PCDH15: variants seen among roughly 807,000 people sequenced by gnomAD.
PCDH15 encodes the protein protocadherin-15.
A neutral mutation model predicts 178.5 loss-of-function variants in PCDH15; 129 were observed. That is an observed-to-expected ratio of 0.72 (90% CI 0.63 to 0.84). The LOEUF is 0.84. Among genes scored for constraint, PCDH15 ranks in the 40% least tolerant of loss-of-function variants. The pLI, the probability that PCDH15 is intolerant of heterozygous loss-of-function variation, is 0.00. For missense variants in PCDH15, 2,230 were observed against 2,099.9 expected, an observed-to-expected ratio of 1.06 and a Z score of -1.21; for synonymous variants, 800 against 732.0, an observed-to-expected ratio of 1.09 and a Z score of -1.50.
At chr10:54,162,917 CAG>C in intron 13 of PCDH15, among the ~76,000 whole-genome samples, 1 of 152,082 alleles carries the variant, frequency 6.6e-6, no homozygotes, top group African/African-American at 2.4e-5. Context: ...CCTAGTATGA[CAG>C]AGTCGATTTT....
At chr10:54,753,164 A>G (rs1017445257) in intron 1 of PCDH15, among the ~76,000 whole-genome samples, 1 of 152,130 alleles carries the variant, frequency 6.6e-6, no homozygotes, top group African/African-American at 2.4e-5. Flanking sequence ...GTTGGGTGCT[A>G]TGGAATAAGA....
At chr10:53,833,789 T>C (rs2077147658) in intron 29 of PCDH15, among the ~76,000 whole-genome samples, 1 of 152,086 alleles carries the variant, frequency 6.6e-6, no homozygotes, top group Admixed American at 6.6e-5. Flanking sequence ...CCTATAAATA[T>C]ATTTTGATCT....
At chr10:54,326,341 A>T (rs909951239) in intron 7 of PCDH15, among the ~76,000 whole-genome samples, 3 of 152,180 alleles carry the variant, frequency 2.0e-5, no homozygotes, top group Non-Finnish European at 4.4e-5. Flanking sequence ...ATCTACTAAG[A>T]TTAAAAAGTA....
At chr10:54,986,215 G>A (rs1839359612) in intron 2 of PCDH15, among the ~76,000 whole-genome samples, 1 of 151,978 alleles carries the variant, frequency 6.6e-6, no homozygotes, top group African/African-American at 2.4e-5. Context: ...CTGCACCCAC[G>A]GGTACTATGC....
intron 2 of PCDH15, among the ~76,000 whole-genome samples, chr10:55,110,221 T>A (rs1415765218): frequency 6.6e-6 from 1 of 152,028 alleles, no homozygotes; most frequent in Non-Finnish European, 1.5e-5. Flanking sequence ...CTCTTCCATG[T>A]TATATCAGGT....
At chr10:55,058,916 G>A (rs1015102461) in intron 2 of PCDH15, among the ~76,000 whole-genome samples, 2 of 152,158 alleles carry the variant, frequency 1.3e-5, no homozygotes, top group Admixed American at 6.6e-5. Flanking sequence ...TCCCAGAGTA[G>A]CTTGTCTATG....
At chr10:54,415,576 T>G (rs1168699448) in intron 3 of PCDH15, among the ~76,000 whole-genome samples, 2 of 152,102 alleles carry the variant, frequency 1.3e-5, no homozygotes, top group Non-Finnish European at 2.9e-5. Flanking sequence ...TGCAAAATTA[T>G]TTTAAATAAT....
intron 8 of PCDH15, among the ~76,000 whole-genome samples, chr10:54,293,675 C>A (rs557668573): frequency 6.6e-6 from 1 of 152,248 alleles, no homozygotes; most frequent in Non-Finnish European, 1.5e-5. Context: ...ACAGATTCTT[C>A]TCAAAAGAAG....
At chr10:54,687,329 T>C (rs549179400) in intron 1 of PCDH15, among the ~76,000 whole-genome samples, 2 of 152,192 alleles carry the variant, frequency 1.3e-5, no homozygotes, top group African/African-American at 4.8e-5. Context: ...GAATCAAAAT[T>C]ACACTCTCAG....
chr10:54,267,850 G>T (rs1350827644), intron 8 of PCDH15, among the ~76,000 whole-genome samples: 1 of 151,816 alleles, frequency 6.6e-6, no homozygotes, highest in Non-Finnish European at 1.5e-5. Context: ...TGTCTTTACT[G>T]CCCGAAGCAA....
intron 28 of PCDH15, among the ~76,000 whole-genome samples, chr10:53,856,167 G>A (rs935255866): frequency 6.6e-6 from 1 of 151,066 alleles, no homozygotes; most frequent in African/African-American, 2.4e-5. Flanking sequence ...CTGTACGTTG[G>A]GTACAGTGTA....
At chr10:54,581,713 T>G (rs1437387287) in intron 2 of PCDH15, among the ~76,000 whole-genome samples, 1 of 152,078 alleles carries the variant, frequency 6.6e-6, no homozygotes, top group Non-Finnish European at 1.5e-5. Context: ...ACGGTATTAA[T>G]ACAAAAACAG....
chr10:54,376,158 G>A (rs1433164870), intron 4 of PCDH15, among the ~76,000 whole-genome samples: 1 of 151,566 alleles, frequency 6.6e-6, no homozygotes, highest in African/African-American at 2.4e-5. Context: ...GCCTCCCAAA[G>A]TGCTGGGATT....
At chr10:54,027,016 G>A (rs1435694844) in intron 18 of PCDH15, among the ~76,000 whole-genome samples, 12 of 146,458 alleles carry the variant, frequency 8.2e-5, no homozygotes, top group East Asian at 6.0e-4. Flanking sequence ...GTTTGCAGAC[G>A]ACATGATTGT....
intron 1 of PCDH15, among the ~76,000 whole-genome samples, chr10:54,706,837 G>A (rs550547261): frequency 2.0e-5 from 3 of 152,166 alleles, no homozygotes; most frequent in African/African-American, 7.2e-5. Flanking sequence ...GGGCCAAGCT[G>A]GTCTCACACT....
intron 32 of PCDH15, chr10:53,822,293 T>TAGAAG: frequency 6.2e-7 from 1 of 1,610,954 alleles, no homozygotes; most frequent in South Asian, 1.1e-5. Flanking sequence ...GAAATGGAGG[T>TAGAAG]AGAAGAGGTG....
intron 2 of PCDH15, among the ~76,000 whole-genome samples, chr10:55,064,439 C>T (rs1267790678): frequency 6.6e-6 from 1 of 152,024 alleles, no homozygotes; most frequent in African/African-American, 2.4e-5. Context: ...CTTGCACGTG[C>T]CTGAAAAGCA....
chr10:54,803,661 G>A (rs1017884063), upstream of PCDH15, among the ~76,000 whole-genome samples: 1 of 152,220 alleles, frequency 6.6e-6, no homozygotes, highest in Non-Finnish European at 1.5e-5. Context: ...TGTTACATGA[G>A]AGAGGAAATG....
chr10:54,796,349 A>G (rs1488742547), intron 1 of PCDH15, among the ~76,000 whole-genome samples: 1 of 150,968 alleles, frequency 6.6e-6, no homozygotes, highest in Non-Finnish European at 1.5e-5. Context: ...CTATATCTAT[A>G]TATCAACCTT....
Sources: allele counts gnomAD v4.1 joint callset (sites outside exome capture counted in the v4.1 genomes callset), GRCh38; gene constraint gnomAD v4.1.1; transcripts MANE v1.5; gene names NCBI Gene and HGNC (gene_info 2026-07-23, HGNC 2026-07-21).